SPOCK3: variants seen among roughly 807,000 people sequenced by gnomAD.
The protein encoded by SPOCK3 is SPARC (osteonectin), cwcv and kazal like domains proteoglycan 3, also known as testican-3.
Under a neutral mutation model 56.6 loss-of-function variants are expected in SPOCK3, and 30 were observed. The observed-to-expected ratio is 0.53, with a 90% CI of 0.40 to 0.72. The LOEUF is 0.72. SPOCK3 is among the 30% of genes least tolerant of loss of function. The probability of loss-of-function intolerance (pLI) is 0.00; values close to 1 mark genes in which losing one functional copy is unlikely to be tolerated. For missense variants in SPOCK3, 527 were observed against 530.0 expected (o/e 0.99, Z 0.06); for synonymous variants, 196 against 183.3 (o/e 1.07, Z -0.56).
At chr4:167,182,148 C>A (rs563047368) in intron 2 of SPOCK3, among the ~76,000 whole-genome samples, 1 of 152,070 alleles carries the variant, frequency 6.6e-6, no homozygotes, top group Non-Finnish European at 1.5e-5. Context: ...CTGTTTACAA[C>A]AAAATATTAG....
intron 8 of SPOCK3, among the ~76,000 whole-genome samples, chr4:166,752,885 T>A (rs1736607151): frequency 6.6e-6 from 1 of 151,988 alleles, no homozygotes; most frequent in Non-Finnish European, 1.5e-5. Flanking sequence ...TTGTATAAGC[T>A]CTTTTACTAG....
chr4:167,125,547 A>G (rs1762202763), intron 2 of SPOCK3, among the ~76,000 whole-genome samples: 1 of 151,640 alleles, frequency 6.6e-6, no homozygotes, highest in Admixed American at 6.6e-5. Flanking sequence ...CCCTGTCTCT[A>G]CTAAAAATAT....
intron 2 of SPOCK3, among the ~76,000 whole-genome samples, chr4:167,072,974 CA>C (rs1175323412): frequency 6.6e-6 from 1 of 151,592 alleles, no homozygotes; most frequent in Non-Finnish European, 1.5e-5. Context: ...GTTAGTAAAT[CA>C]AAACTTTAGA....
At chr4:166,882,341 A>T (rs1733766591) in intron 6 of SPOCK3, among the ~76,000 whole-genome samples, 1 of 152,188 alleles carries the variant, frequency 6.6e-6, no homozygotes, top group East Asian at 1.9e-4. Flanking sequence ...TATCCATTTT[A>T]AACCAAGAAA....
chr4:166,996,263 A>G (rs1323012408), intron 4 of SPOCK3, among the ~76,000 whole-genome samples: 1 of 152,086 alleles, frequency 6.6e-6, no homozygotes, highest in African/African-American at 2.4e-5. Context: ...AACTTATTCA[A>G]CCTTACTCTG....
intron 2 of SPOCK3, among the ~76,000 whole-genome samples, chr4:167,162,069 C>A (rs932400201): frequency 6.6e-6 from 1 of 151,786 alleles, no homozygotes; most frequent in Non-Finnish European, 1.5e-5. Context: ...ACAGAGAAGG[C>A]TCTGGACAAA....
chr4:167,159,997 C>G (rs978515164), intron 2 of SPOCK3, among the ~76,000 whole-genome samples: 1 of 152,134 alleles, frequency 6.6e-6, no homozygotes, highest in Non-Finnish European at 1.5e-5. Flanking sequence ...GGGATGCCCT[C>G]TCTCACCACT....
chr4:167,073,497 C>T (rs1044652847), intron 2 of SPOCK3, among the ~76,000 whole-genome samples: 6 of 151,330 alleles, frequency 4.0e-5, no homozygotes, highest in African/African-American at 1.5e-4. Flanking sequence ...GCTTTTTTTC[C>T]CCTCTAGTAG....
intron 6 of SPOCK3, chr4:166,883,296 T>C (rs1006969964): frequency 1.2e-4 from 18 of 152,152 alleles, no homozygotes; most frequent in African/African-American, 4.3e-4. Context: ...AAAATGACTG[T>C]GTCAGATTAT....
At chr4:167,071,622 T>A in intron 2 of SPOCK3, among the ~76,000 whole-genome samples, 1 of 131,210 alleles carries the variant, frequency 7.6e-6, no homozygotes, top group African/African-American at 3.2e-5. Flanking sequence ...TGCCACATTT[T>A]CTTAATCCAG....
intron 6 of SPOCK3, among the ~76,000 whole-genome samples, chr4:166,838,122 A>G (rs777405613): frequency 2.0e-5 from 3 of 151,930 alleles, no homozygotes; most frequent in Non-Finnish European, 4.4e-5. Context: ...AGTTTTGCAG[A>G]AGTTTGACTT....
chr4:167,043,481 G>A (rs892544842), intron 3 of SPOCK3, among the ~76,000 whole-genome samples: 6 of 151,846 alleles, frequency 4.0e-5, no homozygotes, highest in East Asian at 1.9e-4. Context: ...TAGGACTTTC[G>A]TTATAAAGTT....
intron 2 of SPOCK3, among the ~76,000 whole-genome samples, chr4:167,133,637 G>A (rs559701840): frequency 1.3e-5 from 2 of 152,134 alleles, no homozygotes; most frequent in Non-Finnish European, 2.9e-5. Context: ...TTAATCACAC[G>A]AGTTATCTTA....
intron 5 of SPOCK3, among the ~76,000 whole-genome samples, chr4:166,912,273 T>C (rs898685185): frequency 6.6e-6 from 1 of 152,156 alleles, no homozygotes; most frequent in African/African-American, 2.4e-5. Flanking sequence ...GATTAAAAAA[T>C]AATTCTAATG....
intron 7 of SPOCK3, among the ~76,000 whole-genome samples, chr4:166,791,620 A>G (rs1202307376): frequency 6.6e-6 from 1 of 152,156 alleles, no homozygotes; most frequent in East Asian, 1.9e-4. Flanking sequence ...TCTTATTTCC[A>G]AGGAATTAAA....
At chr4:167,194,419 C>T (rs1732744890) in intron 2 of SPOCK3, among the ~76,000 whole-genome samples, 1 of 152,116 alleles carries the variant, frequency 6.6e-6, no homozygotes, top group African/African-American at 2.4e-5. Flanking sequence ...TATAGATCTC[C>T]ATTTCTTTCA....
intron 2 of SPOCK3, among the ~76,000 whole-genome samples, chr4:167,092,544 ACT>A (rs941446308): frequency 1.3e-5 from 2 of 152,130 alleles, no homozygotes; most frequent in Non-Finnish European, 2.9e-5. Flanking sequence ...TATTTAGGTA[ACT>A]CTACATTCTT....
rs11947060 is a variant in SPOCK3 at position 167,172,743 on chromosome 4, T to C, written c.189+61242A>G. 3.8e-3 allele frequency among the ~76,000 whole-genome samples: 585 copies of C among 152,238 alleles called. 7 individuals carry two copies. The highest frequency in any genetic ancestry group is 6.4e-3 in the Non-Finnish European group (436 of 67,986). On this transcript the variant is annotated intron_variant, in intron 2 of 10. Transcript: ENST00000357545. ...ATATGTGTGCATATGTATGTATACA[T>C]CTATATATGTGTGTGTGTGTATATG...
At chr4:166,966,664 G>A (rs1744772152) in intron 4 of SPOCK3, among the ~76,000 whole-genome samples, 1 of 152,100 alleles carries the variant, frequency 6.6e-6, no homozygotes, top group Non-Finnish European at 1.5e-5. Context: ...GCCTTGAATT[G>A]TGCTAAAGTA....
Sources: allele counts gnomAD v4.1 joint callset (sites outside exome capture counted in the v4.1 genomes callset), GRCh38; gene constraint gnomAD v4.1.1; transcripts MANE v1.5; gene names NCBI Gene and HGNC (gene_info 2026-07-23, HGNC 2026-07-21).